YLPM1: variants seen among roughly 807,000 people sequenced by gnomAD.
YLPM1 encodes the protein YLP motif-containing protein 1.
A neutral mutation model predicts 230.0 loss-of-function variants in YLPM1; 99 were observed. The ratio of observed to expected loss-of-function variants is 0.43; its 90% CI spans 0.37 to 0.51. The LOEUF is 0.51. YLPM1 is among the 20% of genes least tolerant of loss of function. The pLI, the probability that YLPM1 is intolerant of heterozygous loss-of-function variation, is 0.00. For synonymous variants in YLPM1, 984 were observed against 942.5 expected (o/e 1.04, Z -0.81); for missense variants, 2,592 against 2,707.7 (o/e 0.96, Z 0.95).
In YLPM1 at chr14:74,798,506, A is replaced by G; in HGVS notation, c.3209A>G (p.Glu1070Gly). The G allele has an allele frequency of 6.2e-7, 1 of 1,613,986 alleles. No individual in the cohort carries two copies. The highest frequency in any genetic ancestry group is 8.5e-7 in the Non-Finnish European group (1 of 1,179,888). The change falls in exon 5 of 21, where the codon GAG (glutamate) becomes GGG (glycine). Residue 1070 changes from glutamate to glycine, a missense_variant. Around this residue, in one of 4 missense-constraint regions of YLPM1, gnomAD observed 1,862 missense variants for 1,819.8 expected, o/e 1.02. Coordinates refer to ENST00000325680, the MANE Select transcript of YLPM1 (RefSeq NM_019589.3). ...KMMGRREDSREKMNRGEGSRD... is the reference protein window; with the variant it reads ...KMMGRREDSRGKMNRGEGSRD... ...ATGGGTAGAAGAGAAGATAGTCGAG[A>G]GAAGATGAACAGAGGAGAAGGTAGC...
At chr14:74,788,499 G>A (rs1444607822) in intron 4 of YLPM1, among the ~76,000 whole-genome samples, 1 of 152,182 alleles carries the variant, frequency 6.6e-6, no homozygotes, top group African/African-American at 2.4e-5. Context: ...GGTCCTTCCT[G>A]TTTAATAACT....
intron 4 of YLPM1, among the ~76,000 whole-genome samples, chr14:74,794,938 G>A (rs2111705): frequency 0.48 from 72,952 of 152,096 alleles, 17,922 homozygotes; most frequent in Non-Finnish European, 0.55. Context: ...ACTTCAGCCA[G>A]TTCGGATTCC....
At chr14:74,778,268 A>C (rs1402743260) in intron 1 of YLPM1, among the ~76,000 whole-genome samples, 179 bp from the exon 2 acceptor site, 1 of 152,200 alleles carries the variant, frequency 6.6e-6, no homozygotes, top group Non-Finnish European at 1.5e-5. Context: ...GGAGGAACTG[A>C]AATTTTTCTG....
intron 19 of YLPM1, among the ~76,000 whole-genome samples, chr14:74,830,565 C>T (rs2091601191): frequency 6.6e-6 from 1 of 152,056 alleles, no homozygotes. Flanking sequence ...TGTGTTAGTC[C>T]GTTTGCGTTG....
In YLPM1 at chr14:74,835,304, A is replaced by G; in HGVS notation, c.6334A>G (p.Arg2112Gly). 3 of 1,613,686 alleles carry G rather than the reference A, an allele frequency of 1.9e-6. No homozygotes were observed. Among genetic ancestry groups the G allele is most frequent in the Non-Finnish European group, 2.5e-6 (3 of 1,179,668 alleles). ...ADLEEKKDAD[R>G]KRAIGFVVGQ... ...CCTGGAAGAGAAGAAGGATGCAGAT[A>G]GGAAAAGGGCCATAGGTTTTGTGGT... Residue 2112 changes from arginine to glycine, a missense_variant, in exon 20 of 21, where the codon AGG (arginine) becomes GGG (glycine). Physicochemically the swap from Arg to Gly is moderately radical, Grantham distance 125. Coordinates refer to ENST00000325680, the MANE Select transcript of YLPM1 (RefSeq NM_019589.3).
At chr14:74,773,940 C>T (rs2091006131) in intron 1 of YLPM1, among the ~76,000 whole-genome samples, 2 of 151,630 alleles carry the variant, frequency 1.3e-5, no homozygotes, top group Non-Finnish European at 2.9e-5. Context: ...AGGCTGGTCT[C>T]GAACTCCTGA....
chr14:74,821,346 A>G (rs190408141), intron 17 of YLPM1: 25 of 634,088 alleles, frequency 3.9e-5, no homozygotes, highest in Non-Finnish European at 5.5e-5. Flanking sequence ...AGAAAGTTTT[A>G]ACAGAGTGCT....
In YLPM1 at chr14:74,809,414, G is replaced by A. The variant is rs1181752869; in HGVS notation, c.4556G>A (p.Gly1519Asp). The change falls in exon 7 of 21, where the codon GGC becomes GAC. Residue 1519 changes from glycine to aspartate, a missense_variant. Around this residue, in one of 4 missense-constraint regions of YLPM1, gnomAD observed 403 missense variants for 426.7 expected, o/e 0.94. Transcript: ENST00000325680. ...PGSYRPPPPMGKPPGSIVRPS... is the reference protein window; with the variant it reads ...PGSYRPPPPMDKPPGSIVRPS... Reference sequence around the variant, plus strand: ...TCGTATAGACCTCCCCCTCCTATGGGCAAACCACCAGGTTCAATTGTAAGA... The same window carrying A: ...TCGTATAGACCTCCCCCTCCTATGGACAAACCACCAGGTTCAATTGTAAGA... 6 of 1,608,320 alleles carry A rather than the reference G, an allele frequency of 3.7e-6. No homozygotes were observed. In the Admixed American group the frequency reaches 5.1e-5, roughly 14 times the overall value.
At chr14:74,790,922 A>C (rs1280471514) in intron 4 of YLPM1, among the ~76,000 whole-genome samples, 1 of 152,172 alleles carries the variant, frequency 6.6e-6, no homozygotes, top group Admixed American at 6.6e-5. Flanking sequence ...GTCATTTTGT[A>C]ACATCTTTGA....
In YLPM1 at chr14:74,763,816, G is replaced by A; in HGVS notation, c.327G>A (p.Pro109=). ...DWQPPPPPMP[P]PPGPALSYQK... Reference sequence around the variant, plus strand: ...AGCCGCCACCGCCACCGATGCCCCCGCCACCCGGGCCGGCCCTCAGCTATC... The same window carrying A: ...AGCCGCCACCGCCACCGATGCCCCCACCACCCGGGCCGGCCCTCAGCTATC... The change falls in exon 1 of 21, where the codon CCG becomes CCA. Residue 109 remains proline, a synonymous_variant. Transcript: ENST00000325680. The A allele has an allele frequency of 2.0e-6, 3 of 1,493,824 alleles. No homozygotes were observed. The highest frequency in any genetic ancestry group is 2.3e-5 in the Admixed American group (1 of 42,816). 92.5% of individuals were successfully genotyped at this position (1,493,824 alleles called of 1,614,324 possible).
In YLPM1 at chr14:74,799,301, C is replaced by T. The variant is rs1021150442; in HGVS notation, c.4004C>T (p.Pro1335Leu). Residue 1335 changes from proline to leucine, a missense_variant, in exon 5 of 21, where the codon CCG (proline) becomes CTG (leucine). Physicochemically the swap from Pro to Leu is moderately conservative, Grantham distance 98. Transcript: ENST00000325680. ...ERDIPSLPPL[P>L]PLPPLPPLDR... is the part of the protein sequence containing the mutation. ...GATATTCCATCTCTTCCACCTTTAC[C>T]GCCCCTCCCACCTCTTCCACCTTTG... 6.2e-6 allele frequency: 10 copies of T among 1,613,930 alleles called. No homozygotes were observed. Among genetic ancestry groups the T allele is most frequent in the African/African-American group, 4.0e-5 (3 of 75,006 alleles).
intron 4 of YLPM1, among the ~76,000 whole-genome samples, chr14:74,787,281 T>C (rs2091159315): frequency 6.6e-6 from 1 of 152,146 alleles, no homozygotes; most frequent in Admixed American, 6.5e-5. Context: ...AAACGCTGCA[T>C]GCTGGGTACA....
rs771857322 is a variant in YLPM1, at chr14:74,799,471, G to C, written c.4174G>C (p.Asp1392His). The change falls in exon 5 of 21, where the codon GAC becomes CAC. Residue 1392 changes from aspartate (D) to histidine (H), a missense_variant. Physicochemically the swap from Asp to His is moderately conservative, Grantham distance 81. Transcript: ENST00000325680. Reference protein sequence around the residue: ...TWREKRDYVPDRMDWERERLS... With the variant: ...TWREKRDYVPHRMDWERERLS... ...GCGGGAAAAGCGAGATTATGTTCCT[G>C]ACAGAATGGACTGGGAAAGAGAACG... The C allele has an allele frequency of 6.2e-7, 1 of 1,613,998 alleles. No individual in the cohort carries two copies. Among genetic ancestry groups the C allele is most frequent in the Non-Finnish European group, 8.5e-7 (1 of 1,179,880 alleles).
intron 6 of YLPM1, among the ~76,000 whole-genome samples, chr14:74,805,280 G>A (rs1406576487): frequency 6.6e-6 from 1 of 151,434 alleles, no homozygotes; most frequent in Non-Finnish European, 1.5e-5. Flanking sequence ...CTCAGCCTCC[G>A]AAAGTGCTGG....
rs1442073561 is a variant in YLPM1 at position 74,798,771 on chromosome 14, A to G, written c.3474A>G (p.Gly1158=). ...CTGGCAGTCGAGAAAGGGGACTGGG[A>G]AGATCAGATTTTGGTCGTGATAGAG... ...RGPGSRERGL[G]RSDFGRDRGP... is the part of the protein sequence containing the mutation. The change falls in exon 5 of 21, where the codon GGA becomes GGG. Residue 1158 remains glycine, a synonymous_variant. Transcript: ENST00000325680. 8.1e-6 allele frequency: 13 copies of G among 1,613,728 alleles called. No homozygotes were observed. The highest frequency in any genetic ancestry group is 1.1e-5 in the Non-Finnish European group (13 of 1,179,834).
chr14:74,831,492 T>C (rs1405700005), intron 19 of YLPM1, among the ~76,000 whole-genome samples: 2 of 152,244 alleles, frequency 1.3e-5, no homozygotes, highest in Non-Finnish European at 2.9e-5. Flanking sequence ...ATTAGTAATC[T>C]AAAATGAGAA....
chr14:74,820,925 A>C (rs1209706717), intron 16 of YLPM1, 132 bp from the exon 17 acceptor site: 1 of 1,032,496 alleles, frequency 9.7e-7, no homozygotes, highest in East Asian at 3.1e-5. Context: ...AGGGTGTTAA[A>C]AATTACTTGG....
chr14:74,777,836 G>T (rs1164200510), intron 1 of YLPM1, among the ~76,000 whole-genome samples: 3 of 152,000 alleles, frequency 2.0e-5, no homozygotes, highest in Non-Finnish European at 4.4e-5. Context: ...TTAGCTGGGC[G>T]TGATGGTGCA....
intron 1 of YLPM1, among the ~76,000 whole-genome samples, chr14:74,776,144 G>A (rs1274873661): frequency 2.6e-5 from 4 of 152,110 alleles, no homozygotes; most frequent in Admixed American, 6.6e-5. Context: ...TTTCTGAGTG[G>A]TGAGATTTCT....
Sources: allele counts gnomAD v4.1 joint callset (sites outside exome capture counted in the v4.1 genomes callset), GRCh38; gene constraint gnomAD v4.1.1; regional missense constraint gnomAD v4.1.1; transcripts MANE v1.5; gene names NCBI Gene and HGNC (gene_info 2026-07-23, HGNC 2026-07-21).